The following DPP6 variants were observed in gnomAD, a reference collection of about 807,000 sequenced individuals.
The protein encoded by DPP6 is A-type potassium channel modulatory protein DPP6.
DPP6 carries 69 observed loss-of-function variants against 122.6 expected under a neutral mutation model. The ratio of observed to expected loss-of-function variants is 0.56; its 90% CI spans 0.46 to 0.69. The LOEUF (loss-of-function observed/expected upper bound fraction) is 0.69. DPP6 is among the 30% of genes least tolerant of loss of function. The pLI, the probability that DPP6 is intolerant of heterozygous loss-of-function variation, is 0.00. For synonymous variants in DPP6, 418 were observed against 433.1 expected, an observed-to-expected ratio of 0.97 and a Z score of 0.43; for missense variants, 928 against 1,116.9, an observed-to-expected ratio of 0.83 and a Z score of 2.41.
intron 1 of DPP6, among the ~76,000 whole-genome samples, chr7:153,923,550 A>G (rs544508450): frequency 4.6e-5 from 7 of 152,056 alleles, no homozygotes; most frequent in Non-Finnish European, 1.0e-4. Flanking sequence ...TCATGAGGTC[A>G]GGAGATCGAG....
In DPP6 at chr7:154,795,624, G is replaced by A. The variant is rs140033193; in HGVS notation, c.1261-221G>A. Among the ~76,000 whole-genome samples the A allele has an allele frequency of 4.5e-3, 688 of 152,192 alleles. 7 individuals are homozygous for A. The highest frequency in any genetic ancestry group is 0.027 in the Middle Eastern group (8 of 294). On this transcript the variant is annotated intron_variant, in intron 11 of 25. Coordinates refer to ENST00000377770, the MANE Select transcript of DPP6 (RefSeq NM_130797.4). Reference sequence around the variant, plus strand: ...GGGATAGTGGCATTTTCTAATTCGAGGACGCTTGTGTTTGGCTCCGAGCCA... The same window carrying A: ...GGGATAGTGGCATTTTCTAATTCGAAGACGCTTGTGTTTGGCTCCGAGCCA...
At chr7:154,728,902 C>T (rs547808335) in intron 8 of DPP6, among the ~76,000 whole-genome samples, 53 of 152,312 alleles carry the variant, frequency 3.5e-4, no homozygotes, top group African/African-American at 1.3e-3. Context: ...AGGGGCAACA[C>T]CCTCATAACC....
chr7:154,795,729 C>A, intron 11 of DPP6, 116 bp from the exon 12 acceptor site: 2 of 1,431,340 alleles, frequency 1.4e-6, no homozygotes, highest in Non-Finnish European at 9.4e-7. Flanking sequence ...GTGCAGCGGC[C>A]ATGTAGGTGA....
In DPP6 at chr7:154,486,828, C is replaced by G. The variant is rs1823839959; in HGVS notation, c.457+11791C>G. Among the ~76,000 whole-genome samples, 2 of 152,114 alleles carry G rather than the reference C, an allele frequency of 1.3e-5. No homozygotes were observed. Among genetic ancestry groups the G allele is most frequent in the African/African-American group, 4.8e-5 (2 of 41,392 alleles). On this transcript the variant is annotated intron_variant, in intron 3 of 25. Coordinates refer to ENST00000377770, the MANE Select transcript of DPP6 (RefSeq NM_130797.4). The surrounding 1 kb of genome is among the most constrained non-coding windows in gnomAD (Gnocchi z 4.5). ...GGTCCCTTCCAGAGGTGCTGTAGGT[C>G]CTCTGCCTGTAGGTCCTCTGGGCGG...
intron 4 of DPP6, among the ~76,000 whole-genome samples, chr7:154,541,618 T>C (rs1413601618): frequency 6.6e-6 from 1 of 152,242 alleles, no homozygotes; most frequent in African/African-American, 2.4e-5. Flanking sequence ...GATTCTTTTC[T>C]TGTTTGAGAC....
chr7:153,748,986 G>A, the DPP6 span, among the ~76,000 whole-genome samples: 2 of 152,098 alleles, frequency 1.3e-5, no homozygotes, highest in South Asian at 2.1e-4. Flanking sequence ...AGCGTCAGGT[G>A]TCCCCCGGGG....
chr7:153,888,191 C>T (rs1799024423), intron 1 of DPP6, among the ~76,000 whole-genome samples: 1 of 152,180 alleles, frequency 6.6e-6, no homozygotes, highest in Admixed American at 6.5e-5. Context: ...GTTGGGTCTG[C>T]GGAGCCTTCG....
At chr7:154,226,297 G>A (rs11773425) in intron 1 of DPP6, among the ~76,000 whole-genome samples, 32,623 of 152,014 alleles carry the variant, frequency 0.21, 6,389 homozygotes, top group African/African-American at 0.53. Flanking sequence ...TGATAGGTTC[G>A]ATCTGGACAA....
chr7:154,781,074 A>ATTCATCCACTATC, intron 10 of DPP6, among the ~76,000 whole-genome samples: 1 of 151,998 alleles, frequency 6.6e-6, no homozygotes, highest in Middle Eastern at 3.4e-3. Context: ...GATGATGGAC[A>ATTCATCCACTATC]GTTGGATGAA....
At chr7:154,647,158 T>A (rs755842823) in intron 6 of DPP6, among the ~76,000 whole-genome samples, 3 of 152,086 alleles carry the variant, frequency 2.0e-5, no homozygotes, top group Non-Finnish European at 4.4e-5. Context: ...GGAGCAAGAA[T>A]GTGTGTGCTG....
chr7:153,754,041 G>A, the DPP6 span, among the ~76,000 whole-genome samples: 5 of 152,172 alleles, frequency 3.3e-5, no homozygotes. Context: ...CTACCCACAG[G>A]AGTTTGCTGA....
intron 1 of DPP6, among the ~76,000 whole-genome samples, chr7:154,382,872 C>T (rs62475092): frequency 7.9e-5 from 12 of 152,210 alleles, no homozygotes; most frequent in East Asian, 3.9e-4. Context: ...TTTACAGGCA[C>T]GCACCACCAC....
intron 1 of DPP6, among the ~76,000 whole-genome samples, chr7:154,131,441 A>G (rs1211901505): frequency 6.6e-6 from 1 of 152,268 alleles, no homozygotes; most frequent in Non-Finnish European, 1.5e-5. Flanking sequence ...GCCAAGAATT[A>G]GAGTTTCATG....
At chr7:153,917,693 G>A (rs972134282) in intron 1 of DPP6, among the ~76,000 whole-genome samples, 2 of 152,174 alleles carry the variant, frequency 1.3e-5, no homozygotes, top group African/African-American at 2.4e-5. Context: ...TTCAAATTTC[G>A]TGGATTATAT....
At chr7:154,107,368 T>C (rs1806241319) in intron 1 of DPP6, among the ~76,000 whole-genome samples, 1 of 152,168 alleles carries the variant, frequency 6.6e-6, no homozygotes, top group Non-Finnish European at 1.5e-5. Flanking sequence ...GTCACTTGTG[T>C]AGAATCTTAA....
chr7:153,791,424 C>CTTTTTT, the DPP6 span, among the ~76,000 whole-genome samples: 954 of 91,602 alleles, frequency 0.01, 78 homozygotes, highest in Non-Finnish European at 0.015. Context: ...TCCTTCCTTT[C>CTTTTTT]TTTTTTTTTT....
chr7:154,440,240 A>C (rs112321015), intron 1 of DPP6, among the ~76,000 whole-genome samples: 4,252 of 152,290 alleles, frequency 0.028, 205 homozygotes, highest in African/African-American at 0.096. Flanking sequence ...AGTCTTTCTG[A>C]AAGGGCTGCT....
At chr7:154,140,920 C>G (rs1795812846) in intron 1 of DPP6, among the ~76,000 whole-genome samples, 1 of 152,140 alleles carries the variant, frequency 6.6e-6, no homozygotes, top group South Asian at 2.1e-4. Flanking sequence ...TGGATTGACC[C>G]CGCTAAGTAA....
At chr7:153,855,245 AAAGAAAT>A in the DPP6 span, among the ~76,000 whole-genome samples, 3 of 100,564 alleles carry the variant, frequency 3.0e-5, no homozygotes, top group East Asian at 2.9e-4. Flanking sequence ...TAATAAAAAA[AAAGAAAT>A]AATAAAAATA....
Sources: allele counts gnomAD v4.1 joint callset (sites outside exome capture counted in the v4.1 genomes callset), GRCh38; gene constraint gnomAD v4.1.1; non-coding constraint Gnocchi (gnomAD v3.1); transcripts MANE v1.5; gene names NCBI Gene and HGNC (gene_info 2026-07-23, HGNC 2026-07-21).